PCDH15: variants seen among roughly 807,000 people sequenced by gnomAD.
The protein encoded by PCDH15 is protocadherin related 15.
In PCDH15, 129 loss-of-function variants were observed where a neutral mutation model predicts 178.5. That is an observed-to-expected ratio of 0.72 (90% CI 0.63 to 0.84). The LOEUF is 0.84. Ranked by LOEUF, PCDH15 falls within the 40% of genes least tolerant of loss-of-function variation. PCDH15 has a pLI of 0.00. For synonymous variants in PCDH15, 800 were observed against 732.0 expected (o/e 1.09, Z -1.50); for missense variants, 2,230 against 2,099.9 (o/e 1.06, Z -1.21).
chr10:54,748,498 GAT>G (rs1473160720), intron 1 of PCDH15, among the ~76,000 whole-genome samples: 2 of 152,056 alleles, frequency 1.3e-5, no homozygotes, highest in African/African-American at 2.4e-5. Flanking sequence ...AGCTCAGAGA[GAT>G]AACTGTCCAT....
At chr10:55,235,005 C>A (rs563345895) in intron 1 of PCDH15, among the ~76,000 whole-genome samples, 1 of 152,028 alleles carries the variant, frequency 6.6e-6, no homozygotes, top group East Asian at 1.9e-4. Flanking sequence ...GAAAACCCTG[C>A]CATGTACAGC....
At chr10:54,380,725 T>C (rs59564074) in intron 3 of PCDH15, among the ~76,000 whole-genome samples, 31 of 94,116 alleles carry the variant, frequency 3.3e-4, no homozygotes, top group African/African-American at 5.9e-4. Context: ...TATATATATA[T>C]ATATATATAT....
chr10:54,677,193 A>G (rs1307502319), intron 1 of PCDH15, among the ~76,000 whole-genome samples: 1 of 152,068 alleles, frequency 6.6e-6, no homozygotes, highest in Non-Finnish European at 1.5e-5. Context: ...GCAAAGTAGC[A>G]AGACCCAGTC....
intron 8 of PCDH15, among the ~76,000 whole-genome samples, chr10:54,298,176 GA>G (rs2059916237): frequency 6.6e-6 from 1 of 152,116 alleles, no homozygotes; most frequent in African/African-American, 2.4e-5. Context: ...GCAGCTATGG[GA>G]GGCCTTAAGG....
intron 9 of PCDH15, among the ~76,000 whole-genome samples, chr10:54,221,001 A>T (rs1320576743): frequency 6.6e-6 from 1 of 151,696 alleles, no homozygotes; most frequent in Non-Finnish European, 1.5e-5. Flanking sequence ...CATTATACAC[A>T]ATGTTTACAG....
At chr10:55,486,678 T>C (rs1363606491) in intron 2 of PCDH15, among the ~76,000 whole-genome samples, 1 of 151,546 alleles carries the variant, frequency 6.6e-6, no homozygotes, top group African/African-American at 2.4e-5. Flanking sequence ...TTTTATTTTA[T>C]TATGTTTTTT....
At position 53,908,878 on chromosome 10, in the gene PCDH15, G is replaced by A. The variant is rs139956792; in HGVS notation, c.3374-5508C>T. Reference sequence around the variant, plus strand: ...ATACCAGATTTATATTTGTTAATTTGTTGGTATCAGGAGATTGAAGTCAGT... The same window carrying A: ...ATACCAGATTTATATTTGTTAATTTATTGGTATCAGGAGATTGAAGTCAGT... On this transcript the variant is annotated intron_variant, in intron 25 of 37. Coordinates refer to ENST00000644397, the MANE Select transcript of PCDH15 (RefSeq NM_001384140.1). 2.1e-3 allele frequency among the ~76,000 whole-genome samples: 316 copies of A among 152,268 alleles called. 1 individual carries two copies. The highest frequency in any genetic ancestry group is 7.0e-3 in the African/African-American group (291 of 41,556).
At chr10:55,516,896 C>G (rs776185262) in intron 2 of PCDH15, among the ~76,000 whole-genome samples, 2 of 151,902 alleles carry the variant, frequency 1.3e-5, no homozygotes, top group Non-Finnish European at 2.9e-5. Flanking sequence ...AATTTTATAT[C>G]AGCTAATGGA....
chr10:55,414,951 A>G (rs1565115228), intron 2 of PCDH15, among the ~76,000 whole-genome samples: 1 of 151,608 alleles, frequency 6.6e-6, no homozygotes, highest in Non-Finnish European at 1.5e-5. Context: ...GCTAGTATCT[A>G]GCACTATGTT....
Position 54,299,769 on chromosome 10 carries a change from T to C in PCDH15, c.876+17502A>G, listed in dbSNP as rs191592494. Among the ~76,000 whole-genome samples the C allele has an allele frequency of 1.6e-3, 239 of 152,244 alleles. 1 individual carries two copies. Among genetic ancestry groups the C allele is most frequent in the African/African-American group, 3.5e-3 (144 of 41,556 alleles). Reference sequence around the variant, plus strand: ...TCTTGTAGAAGCAGAGTTAGGAAAATTTCCCAGTGATTGGTCTGCTCAAAC... The same window carrying C: ...TCTTGTAGAAGCAGAGTTAGGAAAACTTCCCAGTGATTGGTCTGCTCAAAC... On this transcript the variant is annotated intron_variant, in intron 8 of 37. Coordinates refer to ENST00000644397, the MANE Select transcript of PCDH15 (RefSeq NM_001384140.1).
intron 2 of PCDH15, among the ~76,000 whole-genome samples, chr10:55,616,241 C>A (rs1843471685): frequency 2.0e-5 from 3 of 152,128 alleles, no homozygotes; most frequent in Admixed American, 6.6e-5. Context: ...TAACAACACA[C>A]TTTAACAGTA....
intron 8 of PCDH15, among the ~76,000 whole-genome samples, chr10:54,283,333 A>G (rs1242460518): frequency 6.6e-6 from 1 of 152,184 alleles, no homozygotes; most frequent in Non-Finnish European, 1.5e-5. Flanking sequence ...TAATTAAAAT[A>G]AACTTACAGC....
chr10:54,917,887 G>A (rs942581709), intron 2 of PCDH15, among the ~76,000 whole-genome samples: 1 of 152,078 alleles, frequency 6.6e-6, no homozygotes, highest in Non-Finnish European at 1.5e-5. Context: ...ATATATGTTG[G>A]TGGAGGATAT....
At chr10:55,155,549 A>G (rs4570493) in intron 2 of PCDH15, among the ~76,000 whole-genome samples, 80,790 of 149,834 alleles carry the variant, frequency 0.54, 23,643 homozygotes, top group Non-Finnish European at 0.65. Flanking sequence ...ATCATAGATC[A>G]GAAAAAGGAA....
At chr10:55,054,500 T>G (rs1841246471) in intron 2 of PCDH15, among the ~76,000 whole-genome samples, 1 of 152,182 alleles carries the variant, frequency 6.6e-6, no homozygotes, top group South Asian at 2.1e-4. Flanking sequence ...ATTTTCATGT[T>G]TCTTTATGAC....
intron 2 of PCDH15, among the ~76,000 whole-genome samples, chr10:55,103,203 C>T (rs1047811186): frequency 6.7e-6 from 1 of 150,196 alleles, no homozygotes; most frequent in Non-Finnish European, 1.5e-5. Flanking sequence ...CCAGTGATAT[C>T]ATGGTAACAT....
At chr10:54,269,534 G>C (rs1260714615) in intron 8 of PCDH15, among the ~76,000 whole-genome samples, 1 of 151,966 alleles carries the variant, frequency 6.6e-6, no homozygotes, top group Admixed American at 6.6e-5. Context: ...CAGAATAACA[G>C]TGTTGGAAGC....
chr10:53,877,355 A>G (rs755380125), intron 26 of PCDH15, among the ~76,000 whole-genome samples: 3 of 152,198 alleles, frequency 2.0e-5, no homozygotes, highest in Non-Finnish European at 4.4e-5. Flanking sequence ...ACAAGTTAAC[A>G]AAAGAAAACA....
In PCDH15 at chr10:53,806,708, C is replaced by A; in HGVS notation, c.5094G>T (p.Gln1698His). 1 of 1,613,836 alleles carries A rather than the reference C, an allele frequency of 6.2e-7. No individual in the cohort carries two copies. Reference protein sequence around the residue: ...LRNRLKSTVEQESMIDSKNIK... With the variant: ...LRNRLKSTVEHESMIDSKNIK... The stretch of plus-strand genomic sequence containing the variant: ...TGTTCTTACTGTCAATCATGGACTC[C>A]TGTTCAACTGTGCTTTTCAGCCTGT... Residue 1698 changes from glutamine to histidine, a missense_variant, in exon 38 of 38, where the codon CAG becomes CAT. By Grantham distance (24) the Gln-to-His change is conservative. Transcript: ENST00000644397.
Sources: allele counts gnomAD v4.1 joint callset (sites outside exome capture counted in the v4.1 genomes callset), GRCh38; gene constraint gnomAD v4.1.1; transcripts MANE v1.5; gene names NCBI Gene and HGNC (gene_info 2026-07-23, HGNC 2026-07-21).